NDOR1: variants seen among roughly 807,000 people sequenced by gnomAD.
The protein encoded by NDOR1 is NADPH-dependent diflavin oxidoreductase 1.
NDOR1 carries 61 observed loss-of-function variants against 67.2 expected under a neutral mutation model. The ratio of observed to expected loss-of-function variants is 0.91; its 90% CI spans 0.74 to 1.12. The LOEUF (loss-of-function observed/expected upper bound fraction) is 1.12. Ranked by LOEUF, NDOR1 falls within the 50% of genes most tolerant of loss-of-function variation. The pLI is 0.00. For missense variants in NDOR1, 878 were observed against 802.8 expected (o/e 1.09, Z -1.13); for synonymous variants, 378 against 343.7 (o/e 1.10, Z -1.10).
In NDOR1 at chr9:137,214,804, C is replaced by T. The variant is rs1366141887; in HGVS notation, c.851C>T (p.Ser284Phe). The T allele has an allele frequency of 1.9e-6, 3 of 1,602,500 alleles. No individual in the cohort carries two copies. Among genetic ancestry groups the T allele is most frequent in the Admixed American group, 1.7e-5 (1 of 59,982 alleles). The change falls in exon 8 of 14, where the codon TCC becomes TTC. Residue 284 changes from serine to phenylalanine, a missense_variant. Physicochemically the swap from Ser to Phe is radical, Grantham distance 155. Coordinates refer to ENST00000684003, the MANE Select transcript of NDOR1 (RefSeq NM_014434.4). ...CCTCCCACTCACCCTGCAGATGTCT[C>T]CTCCCCCACGAGGCTGCCCCAGCCC... is the stretch of plus-strand genomic sequence containing the variant. ...FMLQPREPDV[S>F]SPTRLPQPCS...
intron 11 of NDOR1, 29 bp from the exon 12 acceptor site, chr9:137,215,870 G>C: frequency 1.2e-6 from 2 of 1,612,528 alleles, no homozygotes; most frequent in Non-Finnish European, 1.7e-6. Flanking sequence ...TCAAGGACCT[G>C]TGGCCAAGAG....
rs897400563 is a variant in NDOR1 at position 137,218,003 on chromosome 9, G to A, written c.*1587G>A. 5.0e-6 allele frequency: 2 copies of A among 399,148 alleles called. No homozygotes were observed. Among genetic ancestry groups the A allele is most frequent in the East Asian group, 7.1e-5 (2 of 28,094 alleles). The allele number at this position is 399,148 out of a possible 1,614,324, so 24.7% of individuals were successfully genotyped here. Reference sequence around the variant, plus strand: ...CCTGCTGGGGGCCAAAGCCATGGAGGGTGCCTGGGCCCTTCCAACCTGGAA... The same window carrying A: ...CCTGCTGGGGGCCAAAGCCATGGAGAGTGCCTGGGCCCTTCCAACCTGGAA... On this transcript the variant is annotated 3_prime_UTR_variant, in exon 14 of 14. Coordinates refer to ENST00000684003, the MANE Select transcript of NDOR1 (RefSeq NM_014434.4).
chr9:137,212,143 G>A lies in NDOR1; in HGVS notation c.214-359G>A, dbSNP rs1835291402. ...ACAGGTGGAGGTGAGGGACCCCTGG[G>A]GCGGTGGACAGTTTGGAGACCAAGT... On this transcript the variant is annotated intron_variant, in intron 2 of 13. Transcript: ENST00000684003. The surrounding 1 kb of genome is among the most constrained non-coding windows in gnomAD (Gnocchi z 4.3). Among the ~76,000 whole-genome samples the A allele has an allele frequency of 6.6e-6, 1 of 152,142 alleles. No individual in the cohort carries two copies. Among genetic ancestry groups the A allele is most frequent in the Non-Finnish European group, 1.5e-5 (1 of 68,020 alleles).
chr9:137,214,481 T>C, intron 6 of NDOR1, 68 bp downstream of exon 6: 1 of 1,610,418 alleles, frequency 6.2e-7, no homozygotes, highest in African/African-American at 1.3e-5. Flanking sequence ...CGGAGGAGGC[T>C]GGGCCGGGCT....
At chr9:137,207,258 G>A (rs1222862915) in intron 2 of NDOR1, among the ~76,000 whole-genome samples, 1 of 151,884 alleles carries the variant, frequency 6.6e-6, no homozygotes, top group East Asian at 1.9e-4. Flanking sequence ...GATAGAAGTG[G>A]ACACATTGCA....
Position 137,216,399 on chromosome 9 carries a change from A to G in NDOR1, c.1777A>G (p.Thr593Ala). 1 of 1,604,906 alleles carries G rather than the reference A, an allele frequency of 6.2e-7. No individual in the cohort carries two copies. Among genetic ancestry groups the G allele is most frequent in the South Asian group, 1.1e-5 (1 of 91,068 alleles). ...ARLQQTRRFQ[T>A]ETWA Reference sequence around the variant, plus strand: ...GCTCCAGCAGACACGGCGCTTCCAGACAGAGACGTGGGCCTGAGGCCCGCG... The same window carrying G: ...GCTCCAGCAGACACGGCGCTTCCAGGCAGAGACGTGGGCCTGAGGCCCGCG... Residue 593 changes from threonine to alanine, a missense_variant, in exon 14 of 14, where the codon ACA becomes GCA. Transcript: ENST00000684003.
At position 137,212,207 on chromosome 9, in the gene NDOR1, G is replaced by A. The variant is rs554127940; in HGVS notation, c.214-295G>A. Among the ~76,000 whole-genome samples, 1 of 152,266 alleles carries A rather than the reference G, an allele frequency of 6.6e-6. No homozygotes were observed. Among genetic ancestry groups the A allele is most frequent in the Admixed American group, 6.5e-5 (1 of 15,310 alleles). ...TGGCAGCTCAGAGCCTGGGGCAGAG[G>A]AGGGTGATGTCCCAGGAAGGAAGCT... On this transcript the variant is annotated intron_variant, in intron 2 of 13. Coordinates refer to ENST00000684003, the MANE Select transcript of NDOR1 (RefSeq NM_014434.4). This position sits in a 1 kb window ranked among gnomAD's most constrained non-coding sequence, Gnocchi z 4.3.
rs147415363 is a variant in NDOR1 at position 137,215,781 on chromosome 9, G to A, written c.1411G>A (p.Glu471Lys). 33 of 1,597,408 alleles carry A rather than the reference G, an allele frequency of 2.1e-5. No homozygotes were observed. In the African/African-American group the frequency reaches 4.4e-4, roughly 21 times the overall value. The change falls in exon 11 of 14, where the codon GAG (glutamate) becomes AAG (lysine). Residue 471 changes from glutamate to lysine, a missense_variant. Glu to Lys is a moderately conservative substitution (Grantham distance 56). Coordinates refer to ENST00000684003, the MANE Select transcript of NDOR1 (RefSeq NM_014434.4). ...AGCCCCCTTCCGAGCAGCCATCCAG[G>A]AGCGTGTGGCCCAGGGCCAGACTGG... ...GVAPFRAAIQ[E>K]RVAQGQTGNF... is the part of the protein sequence containing the mutation.
In NDOR1 at chr9:137,217,756, G is replaced by A. The variant is rs1835696643; in HGVS notation, c.*1340G>A. ...TGAGGGCCGCCCCTGTCGCCGCCCT[G>A]GGGTCCCTGTCCTCCTATCCTGACT... On this transcript the variant is annotated 3_prime_UTR_variant, in exon 14 of 14. Transcript: ENST00000684003. 2.1e-5 allele frequency: 8 copies of A among 388,904 alleles called. No homozygotes were observed. In the East Asian group the frequency reaches 2.9e-4, roughly 14 times the overall value. The allele number at this position is 388,904 out of a possible 1,614,324, so 24.1% of individuals were successfully genotyped here. A position where few individuals can be genotyped will look rare whatever the true frequency, so the allele number is the denominator to read the frequency against.
chr9:137,208,552 G>A (rs1291295980), intron 2 of NDOR1, among the ~76,000 whole-genome samples: 3 of 150,814 alleles, frequency 2.0e-5, no homozygotes, highest in African/African-American at 4.9e-5. Flanking sequence ...TATGAGAGAC[G>A]TTTGCCGGGC....
rs1020393197 is a variant in NDOR1, at chr9:137,205,725, C to T, written c.-53C>T. 4.4e-6 allele frequency: 7 copies of T among 1,596,740 alleles called. No individual in the cohort carries two copies. The highest frequency in any genetic ancestry group is 1.3e-5 in the African/African-American group (1 of 74,672). ...GGAGCGGTCCCTGCAACCCGGCCGG[C>T]GGGAACTGCCTTCTAGTTTTTAGTC... On this transcript the variant is annotated 5_prime_UTR_variant, in exon 1 of 14. Transcript: ENST00000684003.
chr9:137,207,272 G>T (rs915813223), intron 2 of NDOR1, among the ~76,000 whole-genome samples: 4 of 151,916 alleles, frequency 2.6e-5, no homozygotes, highest in Non-Finnish European at 5.9e-5. Context: ...CATTGCAGTG[G>T]TGTCAGGAAG....
chr9:137,208,746 C>T (rs2131365630), intron 2 of NDOR1, among the ~76,000 whole-genome samples: 1 of 151,694 alleles, frequency 6.6e-6, no homozygotes, highest in South Asian at 2.1e-4. Flanking sequence ...AGCTCTTGAA[C>T]TTGGGAGGTT....
chr9:137,218,240 C>G lies in NDOR1; in HGVS notation c.*1824C>G. The G allele has an allele frequency of 2.5e-6, 1 of 398,406 alleles. No individual in the cohort carries two copies. The highest frequency in any genetic ancestry group is 4.4e-6 in the Non-Finnish European group (1 of 225,898). The allele number at this position is 398,406 out of a possible 1,614,324, so 24.7% of individuals were successfully genotyped here. On this transcript the variant is annotated 3_prime_UTR_variant, in exon 14 of 14. Coordinates refer to ENST00000684003, the MANE Select transcript of NDOR1 (RefSeq NM_014434.4). The stretch of plus-strand genomic sequence containing the variant: ...GCTGTGCCGCCAGAAGACGCCCGTG[C>G]TGGAATGGGAGATCTGCCGGCTACA...
intron 3 of NDOR1, among the ~76,000 whole-genome samples, chr9:137,213,202 G>A (rs979831693): frequency 3.3e-5 from 5 of 152,234 alleles, no homozygotes; most frequent in Non-Finnish European, 4.4e-5. Context: ...GTTTTGTTCC[G>A]TGCGTGACGT....
In NDOR1 at chr9:137,214,277, C is replaced by T. The variant is rs1263302975; in HGVS notation, c.586C>T (p.His196Tyr). The change falls in exon 6 of 14, where the codon CAC becomes TAC. Residue 196 changes from histidine (H) to tyrosine (Y), a missense_variant. His to Tyr is a moderately conservative substitution (Grantham distance 83). Transcript: ENST00000684003. ...STGSEGQRVA[H>Y]PGSQEPPSES... ...GGGCTCTGAGGGGCAGCGGGTAGCT[C>T]ACCCCGGCTCTCAGGAGCCCCCGTC... 1.2e-6 allele frequency: 2 copies of T among 1,613,740 alleles called. No homozygotes were observed. The highest frequency in any genetic ancestry group is 2.7e-5 in the African/African-American group (2 of 74,934).
At position 137,214,661 on chromosome 9, in the gene NDOR1, C is replaced by G. The variant is rs772292364; in HGVS notation, c.814C>G (p.Gln272Glu). 11 of 1,606,676 alleles carry G rather than the reference C, an allele frequency of 6.8e-6. No individual in the cohort carries two copies. The highest frequency in any genetic ancestry group is 9.3e-6 in the Non-Finnish European group (11 of 1,179,938). Residue 272 changes from glutamine to glutamate, a missense_variant, in exon 7 of 14, where the codon CAG (glutamine) becomes GAG (glutamate). Coordinates refer to ENST00000684003, the MANE Select transcript of NDOR1 (RefSeq NM_014434.4). ...CCAGGTGCTGGGCCTGGACCCTGAC[C>G]AGCTCTTCATGCTGCAGCCGCGGGA... is the stretch of plus-strand genomic sequence containing the variant. ...FCQVLGLDPD[Q>E]LFMLQPREPD... is the part of the protein sequence containing the mutation.
Position 137,215,397 on chromosome 9 carries a change from T to C in NDOR1, c.1174-10T>C. 7.5e-7 allele frequency: 1 copy of C among 1,328,200 alleles called. No individual in the cohort carries two copies. Among genetic ancestry groups the C allele is most frequent in the Non-Finnish European group, 1.1e-6 (1 of 931,850 alleles). The allele number at this position is 1,328,200 out of a possible 1,614,324, so 82.3% of individuals were successfully genotyped here. Reference sequence around the variant, plus strand: ...TTGTTCCACCACCCCCACCCCGCCGTCCTCCCCAGACTCACCCCTCACGGC... The same window carrying C: ...TTGTTCCACCACCCCCACCCCGCCGCCCTCCCCAGACTCACCCCTCACGGC... On this transcript the variant is annotated splice_polypyrimidine_tract_variant and intron_variant, in intron 9 of 13. Coordinates refer to ENST00000684003, the MANE Select transcript of NDOR1 (RefSeq NM_014434.4).
In NDOR1 at chr9:137,218,516, C is replaced by T. The variant is rs1024927766; in HGVS notation, c.*2100C>T. ...CCTGGCGCTGCTGAGCCTGCTGGCC[C>T]TTGAGCTTCTGGGGCTGCTGCTGGT... is the stretch of plus-strand genomic sequence containing the variant. On this transcript the variant is annotated 3_prime_UTR_variant, in exon 14 of 14. Coordinates refer to ENST00000684003, the MANE Select transcript of NDOR1 (RefSeq NM_014434.4). The T allele has an allele frequency of 1.5e-5, 6 of 400,840 alleles. No individual in the cohort carries two copies. The highest frequency in any genetic ancestry group is 4.4e-5 in the Admixed American group (1 of 22,708). 24.8% of individuals were successfully genotyped at this position (400,840 alleles called of 1,614,324 possible). A position where few individuals can be genotyped will look rare whatever the true frequency, so the allele number is the denominator to read the frequency against.
Sources: allele counts gnomAD v4.1 joint callset (sites outside exome capture counted in the v4.1 genomes callset), GRCh38; gene constraint gnomAD v4.1.1; non-coding constraint Gnocchi (gnomAD v3.1); transcripts MANE v1.5; gene names NCBI Gene and HGNC (gene_info 2026-07-23, HGNC 2026-07-21).